The following SCRG1 variants were observed in gnomAD, a reference collection of about 807,000 sequenced individuals.
SCRG1 encodes the protein stimulator of chondrogenesis 1, also known as scrapie-responsive protein 1.
In SCRG1, 3 loss-of-function variants were observed where a neutral mutation model predicts 7.7. The ratio of observed to expected loss-of-function variants is 0.39; its 90% CI spans 0.18 to 1.01. The LOEUF (loss-of-function observed/expected upper bound fraction) is 1.01, where lower values mean the gene tolerates loss of function less well. SCRG1 is among the 50% of genes least tolerant of loss of function. The pLI, the probability that SCRG1 is intolerant of heterozygous loss-of-function variation, is 0.36. For missense variants in SCRG1, 110 were observed against 117.2 expected (o/e 0.94, Z 0.28); for synonymous variants, 46 against 41.2 (o/e 1.12, Z -0.44).
At chr4:173,490,265 G>A in the SCRG1 span, among the ~76,000 whole-genome samples, 1 of 152,192 alleles carries the variant, frequency 6.6e-6, no homozygotes, top group African/African-American at 2.4e-5. Context: ...ACTTCCCAAA[G>A]TGTCAAGTAA....
At chr4:173,400,123 G>T (rs183756674), upstream of SCRG1, among the ~76,000 whole-genome samples, 253 of 152,298 alleles carry the variant, frequency 1.7e-3, 1 homozygote, top group African/African-American at 5.1e-3. Flanking sequence ...AAGCCTGACT[G>T]CAGTGTGAAA....
At chr4:173,476,361 A>T in the SCRG1 span, among the ~76,000 whole-genome samples, 979 of 51,214 alleles carry the variant, frequency 0.019, 18 homozygotes, top group East Asian at 0.18. Context: ...GGGGAAAAAA[A>T]AAATATATAT....
chr4:173,456,650 A>G, the SCRG1 span, among the ~76,000 whole-genome samples: 3 of 152,228 alleles, frequency 2.0e-5, no homozygotes, highest in African/African-American at 7.2e-5. Context: ...GGTCACAGGT[A>G]GAAATGCTGT....
the SCRG1 span, among the ~76,000 whole-genome samples, chr4:173,452,217 C>G: frequency 3.1e-4 from 45 of 144,710 alleles, no homozygotes; most frequent in East Asian, 8.6e-3. Context: ...GCCTGAGTGA[C>G]AGAGTGAGAC....
chr4:173,483,868 G>GATATA, the SCRG1 span, among the ~76,000 whole-genome samples: 1 of 63,214 alleles, frequency 1.6e-5, no homozygotes, highest in African/African-American at 7.1e-5. Flanking sequence ...TATTACATAT[G>GATATA]TTATATATAT....
chr4:173,406,527 G>A (rs1455944538), upstream of SCRG1: 1 of 152,200 alleles, frequency 6.6e-6, no homozygotes, highest in East Asian at 1.9e-4. Flanking sequence ...GAAAAGGTCT[G>A]TGGGTTTTGA....
At chr4:173,475,831 G>A in the SCRG1 span, among the ~76,000 whole-genome samples, 1 of 152,116 alleles carries the variant, frequency 6.6e-6, no homozygotes, top group African/African-American at 2.4e-5. Context: ...AGTGAAATAA[G>A]CCAGTAATAA....
At chr4:173,476,363 A>AAAAAAAAT in the SCRG1 span, among the ~76,000 whole-genome samples, 1 of 98,504 alleles carries the variant, frequency 1.0e-5, no homozygotes, top group Non-Finnish European at 2.3e-5. Flanking sequence ...GGAAAAAAAA[A>AAAAAAAAT]ATATATATAT....
At chr4:173,422,700 C>T in the SCRG1 span, among the ~76,000 whole-genome samples, 2 of 152,068 alleles carry the variant, frequency 1.3e-5, no homozygotes, top group Non-Finnish European at 2.9e-5. Flanking sequence ...TGTTAAAAAC[C>T]ATTTGAAAAG....
chr4:173,452,999 A>G, the SCRG1 span, among the ~76,000 whole-genome samples: 1 of 152,198 alleles, frequency 6.6e-6, no homozygotes, highest in Non-Finnish European at 1.5e-5. Flanking sequence ...CTGGCAGAAG[A>G]CACAGGACTC....
chr4:173,454,844 A>G, the SCRG1 span, among the ~76,000 whole-genome samples: 2 of 152,208 alleles, frequency 1.3e-5, no homozygotes, highest in Non-Finnish European at 1.5e-5. Context: ...AGTTAGTTTA[A>G]AGGACACATC....
chr4:173,485,526 A>G, the SCRG1 span, among the ~76,000 whole-genome samples: 1 of 151,988 alleles, frequency 6.6e-6, no homozygotes, highest in Non-Finnish European at 1.5e-5. Context: ...CACAAATTGC[A>G]GAATTACGAG....
the SCRG1 span, among the ~76,000 whole-genome samples, chr4:173,423,977 T>G: frequency 6.6e-6 from 1 of 152,152 alleles, no homozygotes; most frequent in Non-Finnish European, 1.5e-5. Flanking sequence ...AGGAGCACAC[T>G]CCCATTATAA....
At chr4:173,416,099 G>A in the SCRG1 span, among the ~76,000 whole-genome samples, 1 of 151,932 alleles carries the variant, frequency 6.6e-6, no homozygotes, top group South Asian at 2.1e-4. Flanking sequence ...GCCAGGGAGG[G>A]ACAGCAGCAA....
chr4:173,464,769 A>G, the SCRG1 span, among the ~76,000 whole-genome samples: 39 of 152,296 alleles, frequency 2.6e-4, 1 homozygote, highest in South Asian at 7.0e-3. Flanking sequence ...TAAAGGAGAG[A>G]CTTGAACAGA....
At chr4:173,456,505 A>G in the SCRG1 span, among the ~76,000 whole-genome samples, 1 of 152,182 alleles carries the variant, frequency 6.6e-6, no homozygotes, top group African/African-American at 2.4e-5. Flanking sequence ...GTCATCACCT[A>G]TAACACACAC....
upstream of SCRG1, among the ~76,000 whole-genome samples, chr4:173,407,281 C>T (rs559443219): frequency 6.5e-4 from 98 of 150,578 alleles, no homozygotes; most frequent in African/African-American, 2.3e-3. Flanking sequence ...CTTTAGGAGG[C>T]CGAGGTGGGC....
Position 173,391,176 on chromosome 4 carries a change from G to A in SCRG1, c.239C>T (p.Pro80Leu), listed in dbSNP as rs767795854. The change falls in exon 2 of 3, where the codon CCA becomes CTA. Residue 80 changes from proline to leucine, a missense_variant. Transcript: ENST00000296506. ...YCNFSELLCC[P>L]KDVFFGPKIS... is the part of the protein sequence containing the mutation. Reference sequence around the variant, plus strand: ...CTTTGTGATACCATTTCCTTACTTTGGGCAGCAGAGCAATTCGCTGAAGTT... The same window carrying A: ...CTTTGTGATACCATTTCCTTACTTTAGGCAGCAGAGCAATTCGCTGAAGTT... The A allele has an allele frequency of 9.3e-6, 15 of 1,613,840 alleles. No homozygotes were observed. The African/African-American group carries it at 1.6e-4, about 17-fold the overall frequency.
At chr4:173,446,280 A>T in the SCRG1 span, among the ~76,000 whole-genome samples, 1 of 152,104 alleles carries the variant, frequency 6.6e-6, no homozygotes, top group Non-Finnish European at 1.5e-5. Flanking sequence ...CATTTGGTTG[A>T]TGTTTGCATT....
Sources: allele counts gnomAD v4.1 joint callset (sites outside exome capture counted in the v4.1 genomes callset), GRCh38; gene constraint gnomAD v4.1.1; transcripts MANE v1.5; gene names NCBI Gene and HGNC (gene_info 2026-07-23, HGNC 2026-07-21).